Variants in KCNIP4 observed in about 807,000 individuals in gnomAD.
KCNIP4 encodes the protein Kv channel-interacting protein 4.
In KCNIP4, 12 loss-of-function variants were observed where a neutral mutation model predicts 34.0. The observed-to-expected ratio is 0.35, with a 90% CI of 0.23 to 0.57. The LOEUF (loss-of-function observed/expected upper bound fraction) is 0.57. Ranked by LOEUF, KCNIP4 falls within the 20% of genes least tolerant of loss-of-function variation. KCNIP4 has a pLI of 0.83. For synonymous variants in KCNIP4, 124 were observed against 102.2 expected (o/e 1.21, Z -1.29); for missense variants, 238 against 311.7 (o/e 0.76, Z 1.78).
intron 1 of KCNIP4, among the ~76,000 whole-genome samples, chr4:20,986,214 CT>C (rs1176296042): frequency 6.6e-6 from 1 of 152,164 alleles, no homozygotes; most frequent in Admixed American, 6.5e-5. Flanking sequence ...TGAAGACCTG[CT>C]GATCATCTCA....
At chr4:21,896,537 G>C (rs1363464895) in intron 1 of KCNIP4, among the ~76,000 whole-genome samples, 1 of 151,590 alleles carries the variant, frequency 6.6e-6, no homozygotes, top group African/African-American at 2.4e-5. Context: ...GAAAATGTAA[G>C]TGTGGTCTGT....
chr4:20,933,752 A>AG (rs1314405560), intron 1 of KCNIP4, among the ~76,000 whole-genome samples: 1 of 151,776 alleles, frequency 6.6e-6, no homozygotes, highest in East Asian at 1.9e-4. Flanking sequence ...GAAAAAAAAA[A>AG]AAAGAAAGAA....
intron 1 of KCNIP4, among the ~76,000 whole-genome samples, chr4:20,960,236 TTAAAG>T (rs1156706995): frequency 2.6e-5 from 4 of 152,194 alleles, no homozygotes; most frequent in African/African-American, 9.7e-5. Flanking sequence ...CCTTATTTTC[TTAAAG>T]TATTTTATAG....
At chr4:21,034,723 T>A (rs1741304962) in intron 1 of KCNIP4, among the ~76,000 whole-genome samples, 1 of 152,220 alleles carries the variant, frequency 6.6e-6, no homozygotes, top group African/African-American at 2.4e-5. Flanking sequence ...GGAGATTACA[T>A]GCCAGGGAAA....
At chr4:21,000,098 A>G (rs1737973510) in intron 1 of KCNIP4, among the ~76,000 whole-genome samples, 1 of 152,170 alleles carries the variant, frequency 6.6e-6, no homozygotes, top group South Asian at 2.1e-4. Flanking sequence ...TTGTCTTAGA[A>G]TGGTGAATTT....
intron 1 of KCNIP4, among the ~76,000 whole-genome samples, chr4:21,176,159 A>C (rs1373869481): frequency 3.3e-5 from 5 of 152,228 alleles, no homozygotes; most frequent in Non-Finnish European, 5.9e-5. Context: ...ATATGGACTT[A>C]AGTTGGGCTT....
In KCNIP4 at chr4:21,044,314, AT is replaced by A. The variant is rs918600542; in HGVS notation, c.62-161606del. Among the ~76,000 whole-genome samples, 62 of 148,794 alleles carry A rather than the reference AT, an allele frequency of 4.2e-4. 1 individual carries two copies. The highest frequency in any genetic ancestry group is 3.5e-3 in the Middle Eastern group (1 of 286). On this transcript the variant is annotated intron_variant, in intron 1 of 8. Coordinates refer to ENST00000382152, the MANE Select transcript of KCNIP4 (RefSeq NM_025221.6). Reference sequence around the variant, plus strand: ...CTGAATCCTATCCCTTTCCCCCACAATTTTTTTTTTCTTTTGAGATGGAGTC... The same window carrying A: ...CTGAATCCTATCCCTTTCCCCCACAATTTTTTTTTCTTTTGAGATGGAGTC...
chr4:21,289,494 A>G (rs2109198351), intron 1 of KCNIP4, among the ~76,000 whole-genome samples: 1 of 152,346 alleles, frequency 6.6e-6, no homozygotes. Context: ...TTGAATTAAA[A>G]GTGAACTAAT....
At chr4:21,081,927 A>C (rs556796442) in intron 1 of KCNIP4, among the ~76,000 whole-genome samples, 2 of 151,792 alleles carry the variant, frequency 1.3e-5, no homozygotes, top group Non-Finnish European at 2.9e-5. Context: ...TTCAGCTTGC[A>C]AACTTCAAAG....
chr4:21,782,554 C>T (rs1198735880), intron 1 of KCNIP4, among the ~76,000 whole-genome samples: 1 of 151,918 alleles, frequency 6.6e-6, no homozygotes, highest in Non-Finnish European at 1.5e-5. Context: ...AAAAATTAGC[C>T]AGGCATGATG....
At chr4:21,052,682 G>T (rs1743030091) in intron 1 of KCNIP4, among the ~76,000 whole-genome samples, 1 of 152,302 alleles carries the variant, frequency 6.6e-6, no homozygotes, top group Middle Eastern at 3.4e-3. Flanking sequence ...TTGGCATGGA[G>T]TGAAAGGTCT....
intron 5 of KCNIP4, among the ~76,000 whole-genome samples, chr4:20,740,059 A>T (rs1750686508): frequency 6.6e-6 from 1 of 152,140 alleles, no homozygotes; most frequent in African/African-American, 2.4e-5. Context: ...GAGTTAAACA[A>T]AGCCTCCAGG....
Position 21,036,180 on chromosome 4 carries a change from A to G in KCNIP4, c.62-153471T>C, listed in dbSNP as rs1299255476. 3.3e-5 allele frequency among the ~76,000 whole-genome samples: 5 copies of G among 152,202 alleles called. No homozygotes were observed. The East Asian group carries it at 5.8e-4, about 18-fold the overall frequency. ...AACATACTTATGCTATGCCTTCTAC[A>G]TATACTGTATTACATATGCTATGCC... On this transcript the variant is annotated intron_variant, in intron 1 of 8. Transcript: ENST00000382152.
chr4:21,333,731 C>G (rs1715881086), intron 1 of KCNIP4, among the ~76,000 whole-genome samples: 1 of 151,590 alleles, frequency 6.6e-6, no homozygotes, highest in South Asian at 2.1e-4. Context: ...TACTGGCATT[C>G]TGTCTTTGAA....
At chr4:21,843,631 T>A (rs761404058) in intron 1 of KCNIP4, 1 of 152,038 alleles carries the variant, frequency 6.6e-6, no homozygotes, top group Non-Finnish European at 1.5e-5. Flanking sequence ...CCCTGCTAAG[T>A]TCTCCCCAGT....
chr4:21,058,859 A>G (rs1743655163), intron 1 of KCNIP4, among the ~76,000 whole-genome samples: 1 of 152,104 alleles, frequency 6.6e-6, no homozygotes, highest in Non-Finnish European at 1.5e-5. Context: ...CTTCTGATTA[A>G]AAATGATATT....
intron 1 of KCNIP4, among the ~76,000 whole-genome samples, chr4:21,424,509 T>C (rs556933597): frequency 2.0e-5 from 3 of 151,332 alleles, no homozygotes; most frequent in Admixed American, 6.6e-5. Flanking sequence ...GAGGTGGAGG[T>C]TGCAGTTAGC....
intron 1 of KCNIP4, among the ~76,000 whole-genome samples, chr4:21,564,274 G>A (rs1323241010): frequency 6.6e-6 from 1 of 152,104 alleles, no homozygotes; most frequent in African/African-American, 2.4e-5. Flanking sequence ...ATGGGAAGTA[G>A]GAAGTTGAAC....
intron 1 of KCNIP4, among the ~76,000 whole-genome samples, chr4:21,788,812 T>A (rs972612960): frequency 1.3e-5 from 2 of 152,062 alleles, no homozygotes; most frequent in Non-Finnish European, 2.9e-5. Flanking sequence ...TGGTGGCTCA[T>A]AACTGTAATC....
Sources: gnomAD v4.1 joint callset for allele counts (sites outside exome capture counted in the v4.1 genomes callset) on GRCh38, gnomAD v4.1.1 for gene constraint, MANE v1.5 for transcripts, NCBI Gene and HGNC (gene_info 2026-07-23, HGNC 2026-07-21) for gene names.